SLC47A1: variants seen among roughly 807,000 people sequenced by gnomAD.
SLC47A1 encodes the protein solute carrier family 47 member 1, also known as multidrug and toxin extrusion protein 1.
In SLC47A1, 58 loss-of-function variants were observed where a neutral mutation model predicts 65.8. The observed-to-expected ratio is 0.88, with a 90% CI of 0.71 to 1.10. The LOEUF (loss-of-function observed/expected upper bound fraction) is 1.10, where lower values mean the gene tolerates loss of function less well. Among genes scored for constraint, SLC47A1 ranks in the 50% least tolerant of loss-of-function variants. The pLI is 0.00. For missense variants in SLC47A1, 706 were observed against 719.2 expected (o/e 0.98, Z 0.21); for synonymous variants, 285 against 295.0 (o/e 0.97, Z 0.35).
In SLC47A1 at chr17:19,555,992, C is replaced by G; in HGVS notation, c.854-3C>G. 1 of 1,614,170 alleles carries G rather than the reference C, an allele frequency of 6.2e-7. No homozygotes were observed. The highest frequency in any genetic ancestry group is 8.5e-7 in the Non-Finnish European group (1 of 1,180,028). On this transcript the variant is annotated splice_polypyrimidine_tract_variant and splice_region_variant and intron_variant, in intron 9 of 16. Coordinates refer to ENST00000270570, the MANE Select transcript of SLC47A1 (RefSeq NM_018242.3). ...CAAGGCGACAGCTGTCTTTCTTCACCAGGCATCCTCGGCATGGTGGAGCTG... is the reference window on the plus strand; with the variant it reads ...CAAGGCGACAGCTGTCTTTCTTCACGAGGCATCCTCGGCATGGTGGAGCTG...
At chr17:19,573,357 C>T (rs1056671961) in intron 16 of SLC47A1, among the ~76,000 whole-genome samples, 2 of 152,088 alleles carry the variant, frequency 1.3e-5, no homozygotes, top group Non-Finnish European at 2.9e-5. Flanking sequence ...AACCCTTGCT[C>T]CTTTATAATT....
intron 1 of SLC47A1, among the ~76,000 whole-genome samples, chr17:19,537,429 G>C (rs750081905): frequency 5.9e-5 from 9 of 152,226 alleles, no homozygotes; most frequent in Non-Finnish European, 1.2e-4. Context: ...GGGGAAGCCT[G>C]GTCAGAGACA....
intron 12 of SLC47A1, chr17:19,564,619 G>A (rs1188062322): frequency 1.3e-5 from 2 of 152,134 alleles, no homozygotes; most frequent in Non-Finnish European, 2.9e-5. Flanking sequence ...TTTTGACCAT[G>A]TGCATGTTAC....
intron 2 of SLC47A1, among the ~76,000 whole-genome samples, chr17:19,544,749 G>T (rs1471732052): frequency 6.6e-6 from 1 of 152,250 alleles, no homozygotes; most frequent in Non-Finnish European, 1.5e-5. Context: ...ATTCCCGGAA[G>T]AAGTGTCCCT....
Position 19,546,449 on chromosome 17 carries a change from TG to T in SLC47A1, c.254del (p.Gly85ValfsTer25), listed in dbSNP as rs755788186. 6.2e-7 allele frequency: 1 copy of T among 1,613,956 alleles called. No individual in the cohort carries two copies. Among genetic ancestry groups the T allele is most frequent in the East Asian group, 2.2e-5 (1 of 44,862 alleles). On this transcript the variant is annotated frameshift_variant, in exon 3 of 17. Transcript: ENST00000270570. LOFTEE classifies it high-confidence loss of function. Reference protein sequence around the residue: ...TLAIAVINVTGVSVGFGLSSA... With the variant: ...TLAIAVINVTXVSVGFGLSSA... ...TTTATTTGCAGGTTATCAATGTCACTGGTGTCTCAGTGGGATTCGGCTTATC... is the reference window on the plus strand; with the variant it reads ...TTTATTTGCAGGTTATCAATGTCACTGTGTCTCAGTGGGATTCGGCTTATC...
chr17:19,567,309 G>C, intron 14 of SLC47A1, 81 bp downstream of exon 14: 2 of 1,587,230 alleles, frequency 1.3e-6, no homozygotes, highest in Non-Finnish European at 1.7e-6. Context: ...GTCTTTGACT[G>C]AGGCTCACCT....
chr17:19,566,015 C>A (rs557608146), intron 12 of SLC47A1, among the ~76,000 whole-genome samples: 1 of 152,204 alleles, frequency 6.6e-6, no homozygotes, highest in Non-Finnish European at 1.5e-5. Flanking sequence ...AACATCTCCA[C>A]GCTGTGTGTG....
intron 1 of SLC47A1, among the ~76,000 whole-genome samples, chr17:19,537,627 C>T (rs1916026833): frequency 6.6e-6 from 1 of 152,248 alleles, no homozygotes; most frequent in Non-Finnish European, 1.5e-5. Context: ...GCTTTAGCTC[C>T]TTAAATACCT....
chr17:19,562,425 C>T (rs193007080), intron 12 of SLC47A1, among the ~76,000 whole-genome samples: 42 of 152,024 alleles, frequency 2.8e-4, no homozygotes, highest in Admixed American at 2.6e-3. Context: ...ATTAGCTAGG[C>T]GTGGTGAGGC....
intron 6 of SLC47A1, 50 bp from the exon 7 acceptor site, chr17:19,555,162 C>T: frequency 6.5e-7 from 1 of 1,536,290 alleles, no homozygotes; most frequent in Non-Finnish European, 9.0e-7. Context: ...AGCAGAAAGG[C>T]AGTCCTATTC....
intron 14 of SLC47A1, 142 bp downstream of exon 14, chr17:19,567,370 T>C (rs1161954633): frequency 1.6e-6 from 2 of 1,273,440 alleles, no homozygotes; most frequent in Middle Eastern, 2.8e-4. Context: ...TCAGAGAGTG[T>C]AGGGGGCGTT....
In SLC47A1 at chr17:19,542,434, C is replaced by T. The variant is rs370179846; in HGVS notation, c.177C>T (p.Ser59=). The T allele has an allele frequency of 5.0e-6, 8 of 1,612,110 alleles. No homozygotes were observed. Among genetic ancestry groups the T allele is most frequent in the South Asian group, 1.1e-5 (1 of 90,740 alleles). The change falls in exon 2 of 17, where the codon AGC becomes AGT. Residue 59 remains serine (S), a synonymous_variant. Coordinates refer to ENST00000270570, the MANE Select transcript of SLC47A1 (RefSeq NM_018242.3). ...TGGTGTTCCTGATCAGCTTCATAAGCTCCGTGTTCTGTGGCCACCTGGGCA... is the reference window on the plus strand; with the variant it reads ...TGGTGTTCCTGATCAGCTTCATAAGTTCCGTGTTCTGTGGCCACCTGGGCA... ...QLMVFLISFI[S]SVFCGHLGKL...
intron 2 of SLC47A1, among the ~76,000 whole-genome samples, chr17:19,546,181 C>T (rs1290025149): frequency 2.0e-5 from 3 of 152,146 alleles, no homozygotes; most frequent in African/African-American, 7.2e-5. Context: ...GATCGCGCCA[C>T]TGCACTCCAG....
chr17:19,567,210 AC>A lies in SLC47A1; in HGVS notation c.1293del (p.Thr432HisfsTer4). ...CATCGGGATCGCGCTGATGTTTGCA[AC>A]CACACTTGGAGTGATGGGTAAGCTC... ...LPIGIALMFA[T>X]TLGVMGLWSG... On this transcript the variant is annotated frameshift_variant, in exon 14 of 17. Transcript: ENST00000270570. LOFTEE classifies it high-confidence loss of function. 6.2e-7 allele frequency: 1 copy of A among 1,614,176 alleles called. No homozygotes were observed. The highest frequency in any genetic ancestry group is 8.5e-7 in the Non-Finnish European group (1 of 1,180,032).
chr17:19,562,564 C>CA lies in SLC47A1; in HGVS notation c.1106+2086dup, dbSNP rs35648662. On this transcript the variant is annotated intron_variant, in intron 12 of 16. Transcript: ENST00000270570. ...TGGGCAACAGAGTGAGACTCTGTCT[C>CA]AAAAAAAAAAAAAAAGTTTATAACT... is the stretch of plus-strand genomic sequence containing the variant. Among the ~76,000 whole-genome samples the CA allele has an allele frequency of 4.7e-3, 647 of 138,640 alleles. 1 individual carries two copies. Among genetic ancestry groups the CA allele is most frequent in the African/African-American group, 9.8e-3 (374 of 37,988 alleles). 91.0% of individuals were successfully genotyped at this position (138,640 alleles called of 152,430 possible).
chr17:19,571,879 A>T (rs2084402442), intron 15 of SLC47A1, among the ~76,000 whole-genome samples: 1 of 152,234 alleles, frequency 6.6e-6, no homozygotes, highest in African/African-American at 2.4e-5. Flanking sequence ...TGTGGGATGC[A>T]TCAAAGTCAT....
chr17:19,563,860 G>A (rs1346739183), intron 12 of SLC47A1, among the ~76,000 whole-genome samples: 3 of 152,118 alleles, frequency 2.0e-5, no homozygotes, highest in Admixed American at 6.5e-5. Context: ...GTGGTGGCAC[G>A]CACCTGTAGT....
intron 12 of SLC47A1, among the ~76,000 whole-genome samples, chr17:19,562,080 C>T (rs765159262): frequency 6.6e-5 from 10 of 152,110 alleles, no homozygotes; most frequent in Non-Finnish European, 1.2e-4. Flanking sequence ...ATAGAAACTT[C>T]GTGGGGGTAC....
intron 6 of SLC47A1, among the ~76,000 whole-genome samples, chr17:19,553,858 C>G (rs1005715025): frequency 2.0e-4 from 30 of 152,222 alleles, no homozygotes; most frequent in African/African-American, 6.5e-4. Context: ...TCATTTCTTG[C>G]CATTTGTCCT....
Sources: allele counts gnomAD v4.1 joint callset (sites outside exome capture counted in the v4.1 genomes callset), GRCh38; gene constraint gnomAD v4.1.1; transcripts MANE v1.5; gene names NCBI Gene and HGNC (gene_info 2026-07-23, HGNC 2026-07-21).